The following SRGAP1 variants were observed in gnomAD, a reference collection of about 807,000 sequenced individuals.
SRGAP1 encodes the protein SLIT-ROBO Rho GTPase-activating protein 1.
In SRGAP1, 43 loss-of-function variants were observed where a neutral mutation model predicts 121.9. The ratio of observed to expected loss-of-function variants is 0.35; its 90% CI spans 0.28 to 0.46. The LOEUF (loss-of-function observed/expected upper bound fraction) is 0.46, where lower values mean the gene tolerates loss of function less well. SRGAP1 is among the 20% of genes least tolerant of loss of function. SRGAP1 has a pLI of 1.00. For synonymous variants in SRGAP1, 447 were observed against 485.4 expected, an observed-to-expected ratio of 0.92 and a Z score of 1.04; for missense variants, 1,102 against 1,350.9, an observed-to-expected ratio of 0.82 and a Z score of 2.89.
chr12:63,909,626 C>T (rs2030399578), intron 1 of SRGAP1, among the ~76,000 whole-genome samples: 1 of 152,164 alleles, frequency 6.6e-6, no homozygotes, highest in South Asian at 2.1e-4. Context: ...TACTATATAC[C>T]AGAATTGTCT....
At chr12:64,027,820 G>A (rs976117038) in intron 4 of SRGAP1, among the ~76,000 whole-genome samples, 32 of 151,430 alleles carry the variant, frequency 2.1e-4, no homozygotes, top group Non-Finnish European at 7.4e-5. Flanking sequence ...TACAATATAC[G>A]TGTCAATTTC....
At chr12:63,961,774 G>A (rs1366003452) in intron 1 of SRGAP1, among the ~76,000 whole-genome samples, 3 of 152,140 alleles carry the variant, frequency 2.0e-5, no homozygotes, top group Admixed American at 1.3e-4. Context: ...GAAGGAGAAA[G>A]AGCTGATTCG....
intron 10 of SRGAP1, chr12:64,080,681 C>CCTACCTG: frequency 2.4e-6 from 1 of 420,158 alleles, no homozygotes; most frequent in South Asian, 2.2e-5. Flanking sequence ...CTGCCCCTCC[C>CCTACCTG]CTACCTGCTG....
intron 1 of SRGAP1, among the ~76,000 whole-genome samples, chr12:63,901,107 C>T (rs1162881137): frequency 1.3e-5 from 2 of 151,874 alleles, no homozygotes. Context: ...TACTATGTGC[C>T]AGTTACTGTC....
chr12:63,964,618 A>G (rs2032735633), intron 1 of SRGAP1, among the ~76,000 whole-genome samples: 1 of 150,832 alleles, frequency 6.6e-6, no homozygotes, highest in African/African-American at 2.5e-5. Flanking sequence ...ATAACTCCCT[A>G]GTTACACTGT....
At chr12:64,052,228 A>C (rs573174147) in intron 6 of SRGAP1, among the ~76,000 whole-genome samples, 1 of 152,094 alleles carries the variant, frequency 6.6e-6, no homozygotes, top group Non-Finnish European at 1.5e-5. Context: ...GGGAGGGGGA[A>C]CTTGGAGAAC....
intron 2 of SRGAP1, among the ~76,000 whole-genome samples, chr12:63,985,010 CAT>C (rs955844244): frequency 6.9e-5 from 8 of 116,524 alleles, no homozygotes; most frequent in African/African-American, 1.9e-4. Flanking sequence ...AGTGAGAGTC[CAT>C]CTCAAAAAAA....
At chr12:63,866,261 C>T (rs1488220109) in intron 1 of SRGAP1, among the ~76,000 whole-genome samples, 1 of 152,210 alleles carries the variant, frequency 6.6e-6, no homozygotes, top group African/African-American at 2.4e-5. Flanking sequence ...TGCTTCTTAT[C>T]TTCAAGGCTC....
chr12:64,099,486 C>G (rs1401462256), intron 15 of SRGAP1, among the ~76,000 whole-genome samples: 1 of 152,162 alleles, frequency 6.6e-6, no homozygotes. Context: ...AGTTCTTTGT[C>G]TGGCATCAGT....
intron 1 of SRGAP1, among the ~76,000 whole-genome samples, chr12:63,946,991 C>T (rs1054887696): frequency 2.0e-5 from 3 of 151,780 alleles, no homozygotes; most frequent in African/African-American, 4.8e-5. Flanking sequence ...TTATTGTTAA[C>T]GCATATTCCA....
At chr12:63,984,549 G>T (rs996912380) in intron 2 of SRGAP1, among the ~76,000 whole-genome samples, 1 of 152,060 alleles carries the variant, frequency 6.6e-6, no homozygotes, top group Non-Finnish European at 1.5e-5. Flanking sequence ...CTTGAATTTT[G>T]TGCCCCCCTT....
chr12:64,028,636 C>T (rs2034705116), intron 4 of SRGAP1, among the ~76,000 whole-genome samples: 1 of 152,198 alleles, frequency 6.6e-6, no homozygotes, highest in South Asian at 2.1e-4. Flanking sequence ...CCCTTTGTGG[C>T]TCATAGGCAA....
intron 3 of SRGAP1, among the ~76,000 whole-genome samples, chr12:64,006,422 A>T (rs964251942): frequency 1.3e-5 from 2 of 152,182 alleles, no homozygotes; most frequent in African/African-American, 2.4e-5. Flanking sequence ...CTATGGCGTG[A>T]TGAAGGATAA....
intron 6 of SRGAP1, among the ~76,000 whole-genome samples, chr12:64,056,594 A>G (rs1266675482): frequency 6.6e-6 from 1 of 151,636 alleles, no homozygotes; most frequent in East Asian, 1.9e-4. Context: ...AACATAAATC[A>G]GATATATCAA....
intron 1 of SRGAP1, among the ~76,000 whole-genome samples, chr12:63,876,110 G>T (rs1210657496): frequency 6.6e-6 from 1 of 152,156 alleles, no homozygotes; most frequent in Non-Finnish European, 1.5e-5. Flanking sequence ...TTTTGTCAGA[G>T]ATCTTAGTTT....
At chr12:63,858,949 C>T (rs1381902285) in intron 1 of SRGAP1, among the ~76,000 whole-genome samples, 2 of 151,610 alleles carry the variant, frequency 1.3e-5, no homozygotes, top group East Asian at 2.0e-4. Context: ...GTGATCCACC[C>T]GCCTCGGCCT....
intron 1 of SRGAP1, chr12:63,872,165 T>C: frequency 2.8e-6 from 1 of 355,330 alleles, no homozygotes. Context: ...TCGTTATGTT[T>C]CATGAGAGCA....
At chr12:64,097,745 TG>T (rs2036186794) in intron 15 of SRGAP1, 1 of 171,906 alleles carries the variant, frequency 5.8e-6, no homozygotes. Flanking sequence ...ATTTTAGGAG[TG>T]GGGTAATTTA....
At chr12:63,957,792 AT>A (rs2032518764) in intron 1 of SRGAP1, among the ~76,000 whole-genome samples, 1 of 151,928 alleles carries the variant, frequency 6.6e-6, no homozygotes, top group Non-Finnish European at 1.5e-5. Context: ...TCTCTCAGCA[AT>A]TTTGTTCTTG....
Sources: allele counts gnomAD v4.1 joint callset (sites outside exome capture counted in the v4.1 genomes callset), GRCh38; gene constraint gnomAD v4.1.1; transcripts MANE v1.5; gene names NCBI Gene and HGNC (gene_info 2026-07-23, HGNC 2026-07-21).